The following FRAS1 variants were observed in gnomAD, a reference collection of about 807,000 sequenced individuals.
FRAS1 encodes the protein Fraser extracellular matrix complex subunit 1.
FRAS1 carries 290 observed loss-of-function variants against 435.2 expected under a neutral mutation model. The ratio of observed to expected loss-of-function variants is 0.67; its 90% CI spans 0.61 to 0.73. The LOEUF (loss-of-function observed/expected upper bound fraction) is 0.73, where lower values mean the gene tolerates loss of function less well. Among genes scored for constraint, FRAS1 ranks in the 30% least tolerant of loss-of-function variants. The pLI is 0.00. For missense variants in FRAS1, 4,860 were observed against 5,001.5 expected (o/e 0.97, Z 0.85); for synonymous variants, 1,800 against 1,851.0 (o/e 0.97, Z 0.71).
Position 78,451,656 on chromosome 4 carries a change from G to A in FRAS1, c.6464-116G>A, listed in dbSNP as rs183637851. ...AAAATGTCAAAAGCAGTGTCAAAGC[G>A]AGGAAGGTGTGAACTGATTCATTGG... On this transcript the variant is annotated intron_variant, in intron 45 of 73. Coordinates refer to ENST00000512123, the MANE Select transcript of FRAS1 (RefSeq NM_025074.7). 60 of 714,050 alleles carry A rather than the reference G, an allele frequency of 8.4e-5. No homozygotes were observed. In the Middle Eastern group the frequency reaches 9.8e-4, roughly 12 times the overall value. 44.2% of individuals were successfully genotyped at this position (714,050 alleles called of 1,614,324 possible). A position where few individuals can be genotyped will look rare whatever the true frequency, so the allele number is the denominator to read the frequency against.
At chr4:78,458,936 CA>C (rs1159689988) in intron 47 of FRAS1, among the ~76,000 whole-genome samples, 1 of 152,058 alleles carries the variant, frequency 6.6e-6, no homozygotes, top group Admixed American at 6.6e-5. Flanking sequence ...TTAACAACAA[CA>C]AAAAAAGAAA....
intron 47 of FRAS1, among the ~76,000 whole-genome samples, chr4:78,458,936 C>A (rs909190378): frequency 2.6e-5 from 4 of 152,058 alleles, no homozygotes; most frequent in African/African-American, 9.7e-5. Context: ...TTAACAACAA[C>A]AAAAAAAGAA....
At chr4:78,188,294 TATCTATCTATCTATCTATCTATCTA>T (rs1194343553) in intron 2 of FRAS1, among the ~76,000 whole-genome samples, 79 of 11,092 alleles carry the variant, frequency 7.1e-3, no homozygotes, top group Non-Finnish European at 0.01. Context: ...TCTATCTATC[TATCTATCTATCTATCTATCTATCTA>T]ATCTATCTAT....
rs1739525936 is a variant in FRAS1 at position 78,057,569 on chromosome 4, G to A, written c.-441G>A. On this transcript the variant is annotated 5_prime_UTR_variant, in exon 1 of 74. Transcript: ENST00000512123. This position sits in a 1 kb window ranked among gnomAD's most constrained non-coding sequence, Gnocchi z 4.2. ...GCAACGCCGACGTATGGTGCCAAGC[G>A]AACTTTAAAAAGCTGCTTCGGACAA... 6.1e-6 allele frequency: 1 copy of A among 165,226 alleles called. No individual in the cohort carries two copies. Among genetic ancestry groups the A allele is most frequent in the African/African-American group, 2.4e-5 (1 of 41,984 alleles). The allele number at this position is 165,226 out of a possible 1,614,324, so 10.2% of individuals were successfully genotyped here. A position where few individuals can be genotyped will look rare whatever the true frequency, so the allele number is the denominator to read the frequency against.
intron 2 of FRAS1, among the ~76,000 whole-genome samples, chr4:78,230,977 C>T (rs1013922971): frequency 2.0e-5 from 3 of 152,106 alleles, no homozygotes; most frequent in Admixed American, 6.5e-5. Context: ...TTTTTTGAGA[C>T]GGAGTCTCAC....
intron 9 of FRAS1, among the ~76,000 whole-genome samples, chr4:78,270,684 T>G (rs920455703): frequency 6.6e-6 from 1 of 152,094 alleles, no homozygotes; most frequent in African/African-American, 2.4e-5. Context: ...TACAGAAGTA[T>G]GCATAGTCAG....
Position 78,541,826 on chromosome 4 carries a change from G to A in FRAS1, c.*702G>A, listed in dbSNP as rs1360523704. ...TGAAACCCGAGTTAAGGAGGGGCCTGGCAGGCGTATCAGAGCACATTAGTG... is the reference window on the plus strand; with the variant it reads ...TGAAACCCGAGTTAAGGAGGGGCCTAGCAGGCGTATCAGAGCACATTAGTG... On this transcript the variant is annotated 3_prime_UTR_variant, in exon 74 of 74. Transcript: ENST00000512123. 2 of 152,176 alleles carry A rather than the reference G, an allele frequency of 1.3e-5. No homozygotes were observed. Among genetic ancestry groups the A allele is most frequent in the Admixed American group, 1.3e-4 (2 of 15,284 alleles). The allele number at this position is 152,176 out of a possible 1,614,324, so 9.4% of individuals were successfully genotyped here.
At chr4:78,322,672 A>G (rs1729557190) in intron 18 of FRAS1, among the ~76,000 whole-genome samples, 1 of 152,176 alleles carries the variant, frequency 6.6e-6, no homozygotes, top group South Asian at 2.1e-4. Context: ...AGGATGAAAA[A>G]ACAATACTAC....
At chr4:78,446,427 T>A (rs1451348761) in intron 42 of FRAS1, 2 of 1,151,808 alleles carry the variant, frequency 1.7e-6, no homozygotes, top group Non-Finnish European at 2.1e-6. Flanking sequence ...TGTTAATACT[T>A]GTACTTGTCA....
intron 2 of FRAS1, among the ~76,000 whole-genome samples, chr4:78,192,942 G>A (rs963223412): frequency 6.6e-6 from 1 of 152,154 alleles, no homozygotes. Flanking sequence ...ACACTGCTTT[G>A]AATGTGTCCC....
chr4:78,508,952 G>A lies in FRAS1; in HGVS notation c.9726G>A (p.Arg3242=). The change falls in exon 63 of 74, where the codon CGG becomes CGA. Residue 3242 remains arginine (R), a synonymous_variant. Transcript: ENST00000512123. ...VAAPTDGNGA[R]SPFETITDNT... is the part of the protein sequence containing the mutation. ...CCCCCACTGATGGCAATGGGGCCCG[G>A]TCTCCCTTTGAAACCATCACTGACA... The A allele has an allele frequency of 6.2e-7, 1 of 1,613,982 alleles. No individual in the cohort carries two copies. Among genetic ancestry groups the A allele is most frequent in the Non-Finnish European group, 8.5e-7 (1 of 1,179,884 alleles).
In FRAS1 at chr4:78,513,480, T is replaced by C. The variant is rs768479979; in HGVS notation, c.10102T>C (p.Ser3368Pro). The change falls in exon 65 of 74, where the codon TCT becomes CCT. Residue 3368 changes from serine to proline, a missense_variant. Transcript: ENST00000512123. Reference sequence around the variant, plus strand: ...GTTGCACAACTTACATTTTCTACTGTCTGAGTCCATCTACAGACACCAGCA... The same window carrying C: ...GTTGCACAACTTACATTTTCTACTGCCTGAGTCCATCTACAGACACCAGCA... ...MPLHNLHFLLSESIYRHQHVC... is the reference protein window; with the variant it reads ...MPLHNLHFLLPESIYRHQHVC... 1 of 1,613,938 alleles carries C rather than the reference T, an allele frequency of 6.2e-7. No individual in the cohort carries two copies. The highest frequency in any genetic ancestry group is 8.5e-7 in the Non-Finnish European group (1 of 1,179,846).
At chr4:78,277,354 T>C (rs924481653) in intron 9 of FRAS1, among the ~76,000 whole-genome samples, 2 of 152,168 alleles carry the variant, frequency 1.3e-5, no homozygotes, top group Admixed American at 6.5e-5. Context: ...CCCAGTGAGA[T>C]ATACCCAGTA....
At chr4:78,268,780 T>A (rs534701276) in intron 9 of FRAS1, among the ~76,000 whole-genome samples, 72 of 152,350 alleles carry the variant, frequency 4.7e-4, no homozygotes, top group Admixed American at 8.5e-4. Context: ...CTGGCTATCA[T>A]GGCATGAGCC....
rs772466806 is a variant in FRAS1, at chr4:78,446,744, T to C, written c.5874T>C (p.Pro1958=). The C allele has an allele frequency of 1.9e-6, 3 of 1,613,210 alleles. No homozygotes were observed. The highest frequency in any genetic ancestry group is 1.7e-5 in the Admixed American group (1 of 59,876). ...NITIERKNDE[P]PRMTLQPLRV... is the part of the protein sequence containing the mutation. ...TTAATCAGAGGAAGAACGATGAGCCTCCCAGGATGACCTTGCAGCCCCTCA... is the reference window on the plus strand; with the variant it reads ...TTAATCAGAGGAAGAACGATGAGCCCCCCAGGATGACCTTGCAGCCCCTCA... The change falls in exon 43 of 74, where the codon CCT becomes CCC. Residue 1958 remains proline (P), a synonymous_variant. Transcript: ENST00000512123.
intron 64 of FRAS1, 26 bp downstream of exon 64, chr4:78,511,532 C>T: frequency 6.6e-7 from 1 of 1,513,016 alleles, no homozygotes; most frequent in South Asian, 1.1e-5. Context: ...CCTTCCACCA[C>T]ACATAGATTG....
intron 18 of FRAS1, among the ~76,000 whole-genome samples, chr4:78,331,138 A>T (rs910358693): frequency 1.3e-5 from 2 of 152,252 alleles, no homozygotes; most frequent in Non-Finnish European, 2.9e-5. Flanking sequence ...GCTGTTTTAT[A>T]ATCTTAAAAA....
At chr4:78,453,327 G>A (rs553513526) in intron 47 of FRAS1, among the ~76,000 whole-genome samples, 44 of 152,296 alleles carry the variant, frequency 2.9e-4, no homozygotes, top group African/African-American at 9.9e-4. Context: ...TTCACCTAGA[G>A]CAGCAGCCAT....
intron 20 of FRAS1, among the ~76,000 whole-genome samples, chr4:78,356,313 C>A (rs1730855201): frequency 6.6e-6 from 1 of 152,098 alleles, no homozygotes; most frequent in Non-Finnish European, 1.5e-5. Flanking sequence ...TCAAATTCTC[C>A]ATGATTTCCT....
Sources: allele counts gnomAD v4.1 joint callset (sites outside exome capture counted in the v4.1 genomes callset), GRCh38; gene constraint gnomAD v4.1.1; non-coding constraint Gnocchi (gnomAD v3.1); transcripts MANE v1.5; gene names NCBI Gene and HGNC (gene_info 2026-07-23, HGNC 2026-07-21).